Variants in SLC35F1 observed in about 807,000 individuals in gnomAD.
The protein encoded by SLC35F1 is solute carrier family 35 member F1.
A neutral mutation model predicts 48.7 loss-of-function variants in SLC35F1; 14 were observed. That is an observed-to-expected ratio of 0.29 (90% CI 0.19 to 0.45). The LOEUF is 0.45. SLC35F1 is among the 20% of genes least tolerant of loss of function. The probability of loss-of-function intolerance (pLI) is 1.00; values close to 1 mark genes in which losing one functional copy is unlikely to be tolerated. For synonymous variants in SLC35F1, 190 were observed against 202.2 expected, an observed-to-expected ratio of 0.94 and a Z score of 0.51; for missense variants, 404 against 500.0, an observed-to-expected ratio of 0.81 and a Z score of 1.83.
At chr6:117,916,297 T>A (rs1775824985) in intron 1 of SLC35F1, among the ~76,000 whole-genome samples, 1 of 152,256 alleles carries the variant, frequency 6.6e-6, no homozygotes, top group African/African-American at 2.4e-5. Context: ...TTCTCATAAT[T>A]GATTTTTATT....
chr6:118,285,557 T>A (rs951113628), intron 7 of SLC35F1, among the ~76,000 whole-genome samples: 3 of 152,166 alleles, frequency 2.0e-5, no homozygotes, highest in Non-Finnish European at 2.9e-5. Flanking sequence ...TAGGAAAAGA[T>A]AAGAAACAGC....
At chr6:117,960,236 A>G (rs1205836764) in intron 1 of SLC35F1, among the ~76,000 whole-genome samples, 2 of 151,326 alleles carry the variant, frequency 1.3e-5, no homozygotes, top group African/African-American at 4.8e-5. Context: ...GTGTGTATTC[A>G]GAACACAGTG....
chr6:118,217,697 C>T (rs1430667394), intron 2 of SLC35F1, among the ~76,000 whole-genome samples: 2 of 152,114 alleles, frequency 1.3e-5, no homozygotes, highest in African/African-American at 4.8e-5. Context: ...TCACCTAATT[C>T]AACATTTGAA....
At chr6:117,973,163 T>A (rs577683514) in intron 1 of SLC35F1, among the ~76,000 whole-genome samples, 4 of 152,324 alleles carry the variant, frequency 2.6e-5, no homozygotes, top group African/African-American at 9.6e-5. Flanking sequence ...GGCTTGCAGA[T>A]GGCCACCTTC....
intron 1 of SLC35F1, among the ~76,000 whole-genome samples, chr6:117,935,040 G>C (rs1776147670): frequency 6.6e-6 from 1 of 152,200 alleles, no homozygotes; most frequent in Non-Finnish European, 1.5e-5. Context: ...CTGGGAGGCA[G>C]AGGTTGCAGT....
intron 1 of SLC35F1, among the ~76,000 whole-genome samples, chr6:118,096,329 G>T (rs1773175605): frequency 1.3e-5 from 2 of 152,160 alleles, no homozygotes; most frequent in Admixed American, 1.3e-4. Context: ...ATTTCCTTTA[G>T]TTAACGCATA....
intron 1 of SLC35F1, among the ~76,000 whole-genome samples, chr6:118,105,923 A>G (rs1409493253): frequency 1.3e-5 from 2 of 152,138 alleles, no homozygotes; most frequent in East Asian, 3.9e-4. Flanking sequence ...GACCCTTAAC[A>G]TTACTTGGCA....
At chr6:118,162,781 T>A (rs1182730978) in intron 2 of SLC35F1, among the ~76,000 whole-genome samples, 1 of 152,104 alleles carries the variant, frequency 6.6e-6, no homozygotes, top group Non-Finnish European at 1.5e-5. Context: ...TAGTGTTACA[T>A]GAACTATCAA....
intron 6 of SLC35F1, among the ~76,000 whole-genome samples, chr6:118,280,397 G>A (rs1052069471): frequency 2.0e-5 from 3 of 152,116 alleles, no homozygotes; most frequent in African/African-American, 4.8e-5. Context: ...AAAGTGTGCC[G>A]GGTCAGTGAG....
intron 2 of SLC35F1, among the ~76,000 whole-genome samples, chr6:118,195,506 A>AT (rs61332125): frequency 0.078 from 11,736 of 151,412 alleles, 1,074 homozygotes; most frequent in African/African-American, 0.22. Flanking sequence ...TTAGCCAATG[A>AT]TTTTTTTTTC....
chr6:117,932,435 T>C (rs1237749690), intron 1 of SLC35F1, among the ~76,000 whole-genome samples: 10 of 152,202 alleles, frequency 6.6e-5, no homozygotes, highest in Non-Finnish European at 4.4e-5. Context: ...ACAGTTTGGC[T>C]TTAGTGTCTA....
intron 2 of SLC35F1, among the ~76,000 whole-genome samples, chr6:118,184,394 C>G (rs918348498): frequency 1.3e-5 from 2 of 152,200 alleles, no homozygotes; most frequent in Non-Finnish European, 1.5e-5. Context: ...CCCAGATACT[C>G]TGTTAAAGGG....
chr6:118,291,650 G>T (rs924438940), intron 7 of SLC35F1, among the ~76,000 whole-genome samples: 5 of 152,116 alleles, frequency 3.3e-5, no homozygotes, highest in African/African-American at 7.2e-5. Context: ...GGCATTCCCT[G>T]GTGGCTTCCA....
chr6:118,017,826 T>A (rs529602196), intron 1 of SLC35F1, among the ~76,000 whole-genome samples: 31 of 152,282 alleles, frequency 2.0e-4, no homozygotes, highest in Non-Finnish European at 1.2e-4. Flanking sequence ...AAGATCAAAT[T>A]TTAAAAAATG....
At chr6:118,267,318 G>A (rs1775786177) in intron 4 of SLC35F1, among the ~76,000 whole-genome samples, 164 bp downstream of exon 4, 1 of 152,336 alleles carries the variant, frequency 6.6e-6, no homozygotes, top group Admixed American at 6.5e-5. Flanking sequence ...AGGGCACACA[G>A]GAGGTGCTTA....
chr6:118,205,126 C>G (rs761627105), intron 2 of SLC35F1, among the ~76,000 whole-genome samples: 18 of 152,316 alleles, frequency 1.2e-4, no homozygotes, highest in Non-Finnish European at 1.3e-4. Context: ...TCCCCATCCT[C>G]CGTCAAGTCA....
chr6:118,213,343 C>T (rs1775032144), intron 2 of SLC35F1, among the ~76,000 whole-genome samples: 2 of 152,136 alleles, frequency 1.3e-5, no homozygotes. Flanking sequence ...GATAAGCATG[C>T]AGGATGTGTC....
chr6:117,924,523 T>TACGTATATACATATGTATATAC (rs1776003171), intron 1 of SLC35F1, among the ~76,000 whole-genome samples: 4 of 143,934 alleles, frequency 2.8e-5, no homozygotes, highest in Non-Finnish European at 4.6e-5. Flanking sequence ...CATATATATA[T>TACGTATATACATATGTATATAC]GTCAAGTTCC....
intron 1 of SLC35F1, among the ~76,000 whole-genome samples, chr6:118,009,457 A>G (rs974594643): frequency 2.0e-5 from 3 of 152,140 alleles, no homozygotes; most frequent in East Asian, 1.9e-4. Flanking sequence ...TTTTAAATCT[A>G]AGGAAATCTA....
Sources: allele counts gnomAD v4.1 joint callset (sites outside exome capture counted in the v4.1 genomes callset), GRCh38; gene constraint gnomAD v4.1.1; transcripts MANE v1.5; gene names NCBI Gene and HGNC (gene_info 2026-07-23, HGNC 2026-07-21).